TMEM117: variants seen among roughly 807,000 people sequenced by gnomAD.
The protein encoded by TMEM117 is transmembrane protein 117.
Under a neutral mutation model 52.4 loss-of-function variants are expected in TMEM117, and 27 were observed. The observed-to-expected ratio is 0.51, with a 90% CI of 0.38 to 0.71. The LOEUF is 0.71. Ranked by LOEUF, TMEM117 falls within the 30% of genes least tolerant of loss-of-function variation. The probability of loss-of-function intolerance (pLI) is 0.00; values close to 1 mark genes in which losing one functional copy is unlikely to be tolerated. For missense variants in TMEM117, 556 were observed against 630.5 expected (o/e 0.88, Z 1.26); for synonymous variants, 215 against 206.3 (o/e 1.04, Z -0.36).
At chr12:44,103,177 A>C (rs756057676) in intron 3 of TMEM117, among the ~76,000 whole-genome samples, 17 of 151,002 alleles carry the variant, frequency 1.1e-4, no homozygotes, top group Non-Finnish European at 2.2e-4. Context: ...ACTTTACATT[A>C]CTTTATAAGG....
intron 2 of TMEM117, among the ~76,000 whole-genome samples, chr12:43,877,270 G>A (rs1424875363): frequency 3.3e-5 from 5 of 152,074 alleles, no homozygotes; most frequent in Non-Finnish European, 7.4e-5. Flanking sequence ...TCAATTTGGA[G>A]AAATATAAAT....
At chr12:44,126,088 T>G (rs1948320264) in intron 3 of TMEM117, among the ~76,000 whole-genome samples, 1 of 152,276 alleles carries the variant, frequency 6.6e-6, no homozygotes, top group East Asian at 1.9e-4. Context: ...TGTTATGACT[T>G]CAGGTTTTTT....
chr12:44,074,458 A>G (rs1947350382), intron 3 of TMEM117, among the ~76,000 whole-genome samples: 1 of 152,330 alleles, frequency 6.6e-6, no homozygotes, highest in South Asian at 2.1e-4. Flanking sequence ...TGCAAATGCT[A>G]TAAGAAAAGT....
At chr12:44,272,141 T>C (rs1950454355) in intron 5 of TMEM117, among the ~76,000 whole-genome samples, 1 of 152,134 alleles carries the variant, frequency 6.6e-6, no homozygotes, top group South Asian at 2.1e-4. Flanking sequence ...GGTATGTATA[T>C]TGGTACAACC....
chr12:44,253,715 A>G (rs1950221813), intron 5 of TMEM117, among the ~76,000 whole-genome samples: 1 of 152,066 alleles, frequency 6.6e-6, no homozygotes, highest in South Asian at 2.1e-4. Flanking sequence ...ACACTTAGAA[A>G]ATGTGGGCAT....
intron 2 of TMEM117, among the ~76,000 whole-genome samples, chr12:43,893,134 C>T (rs1243468527): frequency 2.0e-5 from 3 of 152,136 alleles, no homozygotes; most frequent in Non-Finnish European, 4.4e-5. Flanking sequence ...TAGGAAGCCA[C>T]GATAAGGAGT....
At chr12:44,330,841 C>A (rs924038704) in intron 6 of TMEM117, among the ~76,000 whole-genome samples, 4 of 152,098 alleles carry the variant, frequency 2.6e-5, no homozygotes, top group African/African-American at 9.7e-5. Flanking sequence ...TGCACACTCA[C>A]ACATGGAAGG....
intron 6 of TMEM117, among the ~76,000 whole-genome samples, chr12:44,330,370 C>T (rs139672714): frequency 1.3e-5 from 2 of 152,008 alleles, no homozygotes; most frequent in East Asian, 3.9e-4. Context: ...CAGCTCTGTC[C>T]AATGGAAATA....
At chr12:44,395,322 T>C in the TMEM117 span, among the ~76,000 whole-genome samples, 1 of 152,242 alleles carries the variant, frequency 6.6e-6, no homozygotes, top group Non-Finnish European at 1.5e-5. Flanking sequence ...TCTCCTATAA[T>C]TGGTCCACTA....
At position 43,961,929 on chromosome 12, in the gene TMEM117, C is replaced by A. The variant is rs143623549; in HGVS notation, c.410+17587C>A. Reference sequence around the variant, plus strand: ...CTGATTTAATAAATTAATAAGAGATCGCCCAGCACCATCTGAGAAAGTGAT... The same window carrying A: ...CTGATTTAATAAATTAATAAGAGATAGCCCAGCACCATCTGAGAAAGTGAT... On this transcript the variant is annotated intron_variant, in intron 3 of 7. Coordinates refer to ENST00000266534, the MANE Select transcript of TMEM117 (RefSeq NM_032256.3). 3.8e-3 allele frequency among the ~76,000 whole-genome samples: 586 copies of A among 152,252 alleles called. 3 individuals are homozygous for A. The highest frequency in any genetic ancestry group is 0.014 in the South Asian group (69 of 4,820).
intron 3 of TMEM117, among the ~76,000 whole-genome samples, chr12:44,117,193 A>G (rs1490688383): frequency 2.0e-5 from 3 of 152,100 alleles, no homozygotes; most frequent in Admixed American, 1.3e-4. Flanking sequence ...TGAGTTCATC[A>G]TCATCTCTCT....
At chr12:44,384,614 A>T (rs1388197968) in intron 7 of TMEM117, among the ~76,000 whole-genome samples, 1 of 152,220 alleles carries the variant, frequency 6.6e-6, no homozygotes, top group Non-Finnish European at 1.5e-5. Context: ...ACATAGAGCC[A>T]CACACTGAGT....
rs1050384424 is a variant in TMEM117 at position 44,097,192 on chromosome 12, G to A, written c.411-46333G>A. Among the ~76,000 whole-genome samples the A allele has an allele frequency of 7.2e-5, 11 of 152,114 alleles. No homozygotes were observed. In the South Asian group the frequency reaches 1.0e-3, roughly 14 times the overall value. ...ACCATCTCACACCAGTTAGAATGGC[G>A]ATGATTAAAAAGTCAGGAAACAACA... On this transcript the variant is annotated intron_variant, in intron 3 of 7. Transcript: ENST00000266534.
rs1951834559 is a variant in TMEM117 at position 44,369,552 on chromosome 12, A to G, written c.769-7043A>G. On this transcript the variant is annotated intron_variant, in intron 6 of 7. Coordinates refer to ENST00000266534, the MANE Select transcript of TMEM117 (RefSeq NM_032256.3). ...AGTAAGAAAAATGATTGATGAATAAAAGATATTAAACAATCCTATAAAATA... is the reference window on the plus strand; with the variant it reads ...AGTAAGAAAAATGATTGATGAATAAGAGATATTAAACAATCCTATAAAATA... Among the ~76,000 whole-genome samples, 11 of 152,236 alleles carry G rather than the reference A, an allele frequency of 7.2e-5. No homozygotes were observed. The South Asian group carries it at 2.3e-3, about 31-fold the overall frequency.
intron 3 of TMEM117, among the ~76,000 whole-genome samples, chr12:44,104,426 G>T (rs2138085097): frequency 6.6e-6 from 1 of 151,350 alleles, no homozygotes; most frequent in East Asian, 2.0e-4. Context: ...TTTTTTTCCT[G>T]TCATAAATAT....
At chr12:43,949,313 T>C (rs753470138) in intron 3 of TMEM117, among the ~76,000 whole-genome samples, 1 of 152,216 alleles carries the variant, frequency 6.6e-6, no homozygotes, top group Non-Finnish European at 1.5e-5. Flanking sequence ...ACTTGGGTTT[T>C]TATACATTGG....
intron 5 of TMEM117, among the ~76,000 whole-genome samples, chr12:44,259,414 A>G (rs777758327): frequency 2.0e-5 from 3 of 152,160 alleles, no homozygotes; most frequent in Non-Finnish European, 4.4e-5. Context: ...GTCAGGATTC[A>G]AAGCAAAGTT....
At chr12:44,228,508 A>G (rs1949891915) in intron 5 of TMEM117, among the ~76,000 whole-genome samples, 1 of 152,152 alleles carries the variant, frequency 6.6e-6, no homozygotes, top group South Asian at 2.1e-4. Context: ...CTAAATAAAT[A>G]AAAGATCACC....
At chr12:43,806,430 C>T in the TMEM117 span, 3 of 1,122,828 alleles carry the variant, frequency 2.7e-6, no homozygotes, top group Admixed American at 4.9e-5. Context: ...CCTTCCTGGC[C>T]GCCGGGCTGC....
Sources: allele counts gnomAD v4.1 joint callset (sites outside exome capture counted in the v4.1 genomes callset), GRCh38; gene constraint gnomAD v4.1.1; transcripts MANE v1.5; gene names NCBI Gene and HGNC (gene_info 2026-07-23, HGNC 2026-07-21).